CEP112: variants seen among roughly 807,000 people sequenced by gnomAD.
CEP112 encodes centrosomal protein of 112 kDa.
A neutral mutation model predicts 153.0 loss-of-function variants in CEP112; 127 were observed. The ratio of observed to expected loss-of-function variants is 0.83; its 90% CI spans 0.72 to 0.96. The LOEUF is 0.96. Among genes scored for constraint, CEP112 ranks in the 40% least tolerant of loss-of-function variants. CEP112 has a pLI of 0.00. For missense variants in CEP112, 1,089 were observed against 1,101.2 expected (o/e 0.99, Z 0.16); for synonymous variants, 358 against 374.4 (o/e 0.96, Z 0.51).
At chr17:65,941,264 GTTA>G (rs2061497890) in intron 18 of CEP112, among the ~76,000 whole-genome samples, 1 of 151,990 alleles carries the variant, frequency 6.6e-6, no homozygotes, top group African/African-American at 2.4e-5. Context: ...TATTTAAAAT[GTTA>G]AACATTTAAG....
intron 17 of CEP112, among the ~76,000 whole-genome samples, chr17:65,979,879 G>C (rs927330492): frequency 1.3e-5 from 2 of 151,842 alleles, no homozygotes; most frequent in Non-Finnish European, 2.9e-5. Flanking sequence ...AACATCCTCT[G>C]GTAAAAAATA....
chr17:65,728,471 C>T (rs1482813303), intron 23 of CEP112, among the ~76,000 whole-genome samples: 5 of 152,166 alleles, frequency 3.3e-5, no homozygotes, highest in Non-Finnish European at 4.4e-5. Context: ...AGAGACCACA[C>T]TCTGCTTGTT....
intron 18 of CEP112, among the ~76,000 whole-genome samples, chr17:65,955,582 A>G (rs1787156159): frequency 1.3e-5 from 2 of 152,166 alleles, no homozygotes; most frequent in South Asian, 4.1e-4. Flanking sequence ...TTCACCAACC[A>G]AATTTCTGCT....
At chr17:65,894,374 T>C (rs1300979404) in intron 20 of CEP112, among the ~76,000 whole-genome samples, 1 of 152,074 alleles carries the variant, frequency 6.6e-6, no homozygotes, top group African/African-American at 2.4e-5. Context: ...GAAACACATT[T>C]TCTAATTATA....
chr17:66,053,240 A>C (rs1023469031), intron 12 of CEP112, among the ~76,000 whole-genome samples: 3 of 151,028 alleles, frequency 2.0e-5, no homozygotes, highest in Non-Finnish European at 4.4e-5. Flanking sequence ...AGGGGCTCAC[A>C]CCTGTAATCC....
intron 20 of CEP112, among the ~76,000 whole-genome samples, chr17:65,856,438 T>C (rs1005140307): frequency 3.9e-5 from 6 of 152,212 alleles, no homozygotes; most frequent in Non-Finnish European, 7.3e-5. Flanking sequence ...TACTGTATCA[T>C]CTCAAAGTAT....
intron 24 of CEP112, among the ~76,000 whole-genome samples, chr17:65,668,576 G>A (rs1277085378): frequency 2.0e-5 from 3 of 152,150 alleles, no homozygotes; most frequent in African/African-American, 7.2e-5. Context: ...GCCTGTATGT[G>A]GCTTTCGGGA....
chr17:66,014,364 T>C (rs377186462), intron 16 of CEP112, among the ~76,000 whole-genome samples: 10 of 152,316 alleles, frequency 6.6e-5, no homozygotes, highest in South Asian at 2.1e-4. Context: ...AGCCAGGCTA[T>C]GGTCCCAGGA....
rs2056827732 is a variant in CEP112, at chr17:65,826,130, G to C, written c.2394+25674C>G. ...ATGTCAGGAGGACAGAGGTTGTCTT[G>C]TTCTTACCTTCTTCTCTTTGAGGTT... On this transcript the variant is annotated intron_variant, in intron 21 of 26. Transcript: ENST00000535342. The C allele has an allele frequency of 4.3e-6, 7 of 1,613,496 alleles. No homozygotes were observed. The South Asian group carries it at 7.7e-5, about 18-fold the overall frequency.
At chr17:65,930,528 C>T (rs1197897686) in intron 18 of CEP112, among the ~76,000 whole-genome samples, 3 of 152,132 alleles carry the variant, frequency 2.0e-5, no homozygotes, top group African/African-American at 7.2e-5. Flanking sequence ...GGATTGCAAT[C>T]CCAAAAATAT....
intron 21 of CEP112, among the ~76,000 whole-genome samples, chr17:65,819,657 T>C (rs1598679825): frequency 6.6e-6 from 1 of 152,158 alleles, no homozygotes; most frequent in Middle Eastern, 3.4e-3. Flanking sequence ...TTTGATATAA[T>C]GCATCTGAGA....
intron 5 of CEP112, among the ~76,000 whole-genome samples, chr17:66,131,420 G>A (rs2070156423): frequency 6.6e-6 from 1 of 152,112 alleles, no homozygotes; most frequent in Non-Finnish European, 1.5e-5. Context: ...AATGCAATGA[G>A]TTATGTATAT....
rs569336510 is a variant in CEP112, at chr17:66,145,556, A to G, written c.471-12793T>C. ...TTCAGTTTTTCCCCAGTGGATATTC[A>G]GTTCTTACAGCATAATTTGATAAAA... is the stretch of plus-strand genomic sequence containing the variant. On this transcript the variant is annotated intron_variant, in intron 4 of 26. Coordinates refer to ENST00000535342, the MANE Select transcript of CEP112 (RefSeq NM_001199165.4). Among the ~76,000 whole-genome samples the G allele has an allele frequency of 3.0e-4, 46 of 152,224 alleles. No individual in the cohort carries two copies. The South Asian group carries it at 6.4e-3, about 21-fold the overall frequency.
chr17:65,916,433 G>A (rs2060494683), intron 19 of CEP112, among the ~76,000 whole-genome samples: 1 of 152,060 alleles, frequency 6.6e-6, no homozygotes, highest in African/African-American at 2.4e-5. Context: ...ATAAACATGT[G>A]TGAAATAATG....
intron 6 of CEP112, among the ~76,000 whole-genome samples, chr17:66,100,407 CAGAA>C (rs1330041711): frequency 7.4e-5 from 1 of 13,426 alleles, no homozygotes; most frequent in African/African-American, 2.6e-4. Context: ...TCTCAAAAAA[CAGAA>C]AAAAAAAAAA....
Position 65,914,025 on chromosome 17 carries a change from C to T in CEP112, c.1981-11691G>A, listed in dbSNP as rs370940880. ...CAGGAAGAAGCCAGATAGTCAAATG[C>T]TTCAAAAGGGTTTTTTTTTCATGGT... On this transcript the variant is annotated intron_variant, in intron 19 of 26. Coordinates refer to ENST00000535342, the MANE Select transcript of CEP112 (RefSeq NM_001199165.4). 7 of 243,464 alleles carry T rather than the reference C, an allele frequency of 2.9e-5. 1 individual carries two copies. The highest frequency in any genetic ancestry group is 1.8e-4 in the East Asian group (1 of 5,592). The allele number at this position is 243,464 out of a possible 1,614,324, so 15.1% of individuals were successfully genotyped here.
At chr17:65,937,568 G>T (rs1410946336) in intron 18 of CEP112, among the ~76,000 whole-genome samples, 15 of 49,174 alleles carry the variant, frequency 3.1e-4, no homozygotes, top group Middle Eastern at 0.013. Flanking sequence ...GAGGGAGGTG[G>T]GGGGGGTCAG....
intron 20 of CEP112, 51 bp from the exon 21 acceptor site, chr17:65,852,085 C>A: frequency 7.6e-7 from 1 of 1,323,988 alleles, no homozygotes; most frequent in Non-Finnish European, 1.0e-6. Context: ...AGGGAAGTCA[C>A]AAAAGAAGAA....
Position 66,128,966 on chromosome 17 carries a change from TG to T in CEP112, c.642+779del, listed in dbSNP as rs781508884. On this transcript the variant is annotated intron_variant, in intron 6 of 26. Coordinates refer to ENST00000535342, the MANE Select transcript of CEP112 (RefSeq NM_001199165.4). Reference sequence around the variant, plus strand: ...AGGTCTCTGTTGATTTTTATTCCTCTGATTTTCTATATTTTTCAAATTACAA... The same window carrying T: ...AGGTCTCTGTTGATTTTTATTCCTCTATTTTCTATATTTTTCAAATTACAA... Among the ~76,000 whole-genome samples the T allele has an allele frequency of 9.8e-5, 15 of 152,358 alleles. No homozygotes were observed. The East Asian group carries it at 1.9e-3, about 20-fold the overall frequency.
Sources: gnomAD v4.1 joint callset for allele counts (sites outside exome capture counted in the v4.1 genomes callset) on GRCh38, gnomAD v4.1.1 for gene constraint, MANE v1.5 for transcripts, NCBI Gene and HGNC (gene_info 2026-07-23, HGNC 2026-07-21) for gene names.